The following COL26A1 variants were observed in gnomAD, a reference collection of about 807,000 sequenced individuals.
COL26A1 encodes the protein collagen type XXVI alpha 1 chain, also known as collagen alpha-1(XXVI) chain.
In COL26A1, 41 loss-of-function variants were observed where a neutral mutation model predicts 59.3. The ratio of observed to expected loss-of-function variants is 0.69; its 90% CI spans 0.54 to 0.90. The LOEUF (loss-of-function observed/expected upper bound fraction) is 0.90, where lower values mean the gene tolerates loss of function less well. COL26A1 is among the 40% of genes least tolerant of loss of function. COL26A1 has a pLI of 0.00. For missense variants in COL26A1, 612 were observed against 602.3 expected (o/e 1.02, Z -0.17); for synonymous variants, 266 against 256.0 (o/e 1.04, Z -0.37).
chr7:101,514,217 A>G (rs1366910055), intron 3 of COL26A1, among the ~76,000 whole-genome samples: 2 of 152,046 alleles, frequency 1.3e-5, no homozygotes, highest in Admixed American at 6.6e-5. Flanking sequence ...GGGTGCCTGT[A>G]GTCCCAGCTA....
chr7:101,410,095 G>C (rs965689161), intron 1 of COL26A1, among the ~76,000 whole-genome samples: 3 of 152,078 alleles, frequency 2.0e-5, no homozygotes, highest in African/African-American at 7.2e-5. Context: ...TTGGTGGGCA[G>C]GGGGCTAGGG....
rs1468077834 is a variant in COL26A1, at chr7:101,416,281, A to C, written c.159-3696A>C. ...TTGGCGCACACCTGTGGTCCCAGCT[A>C]TCTGGGAGGCTGAGATGGGAGGATT... On this transcript the variant is annotated intron_variant, in intron 1 of 12. Coordinates refer to ENST00000313669, the MANE Select transcript of COL26A1 (RefSeq NM_001278563.3). Among the ~76,000 whole-genome samples, 2 of 142,648 alleles carry C rather than the reference A, an allele frequency of 1.4e-5. 1 individual carries two copies. The highest frequency in any genetic ancestry group is 3.2e-5 in the Non-Finnish European group (2 of 62,976). The allele number at this position is 142,648 out of a possible 152,430, so 93.6% of individuals were successfully genotyped here. A position where few individuals can be genotyped will look rare whatever the true frequency, so the allele number is the denominator to read the frequency against.
chr7:101,547,277 A>T, intron 8 of COL26A1, 38 bp downstream of exon 8: 1 of 1,457,400 alleles, frequency 6.9e-7, no homozygotes, highest in Non-Finnish European at 9.4e-7. Context: ...TGAGGACTCC[A>T]TCCCCCCAGG....
intron 1 of COL26A1, among the ~76,000 whole-genome samples, chr7:101,401,397 G>A (rs1234553851): frequency 6.6e-6 from 1 of 152,058 alleles, no homozygotes; most frequent in Admixed American, 6.6e-5. Flanking sequence ...CCAGGAGGAG[G>A]AGGAAGAAGA....
intron 2 of COL26A1, among the ~76,000 whole-genome samples, chr7:101,439,122 C>T (rs1792985803): frequency 6.6e-6 from 1 of 152,142 alleles, no homozygotes; most frequent in Non-Finnish European, 1.5e-5. Context: ...ACCACCCCAC[C>T]TTGGGGTTTG....
chr7:101,405,736 A>G (rs1293453596), intron 1 of COL26A1, among the ~76,000 whole-genome samples: 1 of 152,124 alleles, frequency 6.6e-6, no homozygotes, highest in Non-Finnish European at 1.5e-5. Context: ...TAATGGCGGT[A>G]GTTGGGGATC....
At chr7:101,555,692 G>A in intron 11 of COL26A1, 95 bp from the exon 12 acceptor site, 6 of 806,292 alleles carry the variant, frequency 7.4e-6, no homozygotes, top group East Asian at 2.7e-5. Flanking sequence ...GCAGGGGTGG[G>A]GGGCTTTGAG....
At chr7:101,500,413 T>A (rs1041372349) in intron 3 of COL26A1, among the ~76,000 whole-genome samples, 15 of 152,198 alleles carry the variant, frequency 9.9e-5, no homozygotes, top group Non-Finnish European at 1.5e-4. Context: ...TTTTTCAACA[T>A]CCAGGAGTTT....
At chr7:101,527,524 C>T (rs968225963) in intron 3 of COL26A1, among the ~76,000 whole-genome samples, 2 of 150,912 alleles carry the variant, frequency 1.3e-5, no homozygotes, top group East Asian at 2.0e-4. Context: ...TTAGTAGCGA[C>T]GGGGTTTCAC....
intron 3 of COL26A1, among the ~76,000 whole-genome samples, chr7:101,514,616 C>G (rs568983821): frequency 2.3e-3 from 357 of 152,264 alleles, no homozygotes; most frequent in Admixed American, 3.6e-3. Context: ...TTACCCCAGG[C>G]TCTGGGGGTG....
chr7:101,454,314 G>A (rs558869486), intron 3 of COL26A1, among the ~76,000 whole-genome samples: 1 of 146,630 alleles, frequency 6.8e-6, no homozygotes, highest in Non-Finnish European at 1.5e-5. Context: ...GCTCAGACTG[G>A]AGTGCAATGG....
At chr7:101,434,943 C>T (rs550320035) in intron 2 of COL26A1, among the ~76,000 whole-genome samples, 3 of 152,228 alleles carry the variant, frequency 2.0e-5, no homozygotes, top group East Asian at 3.9e-4. Context: ...AGACCTGGTC[C>T]GTGGGTTTCC....
At chr7:101,401,687 T>TGAGGAG (rs146041214) in intron 1 of COL26A1, among the ~76,000 whole-genome samples, 43,002 of 122,260 alleles carry the variant, frequency 0.35, 7,126 homozygotes, top group African/African-American at 0.48. Context: ...TGTTGGAGGC[T>TGAGGAG]GAGGAGGAGG....
intron 12 of COL26A1, 79 bp from the exon 13 acceptor site, chr7:101,557,291 G>A: frequency 1.4e-6 from 2 of 1,435,338 alleles, no homozygotes; most frequent in Non-Finnish European, 1.9e-6. Flanking sequence ...ATCTCTCCGT[G>A]GCCACATATC....
chr7:101,488,210 G>A (rs950830878), intron 3 of COL26A1, among the ~76,000 whole-genome samples: 1 of 150,848 alleles, frequency 6.6e-6, no homozygotes, highest in African/African-American at 2.4e-5. Flanking sequence ...GAACCCTGGA[G>A]GCAGAGGTTG....
chr7:101,362,512 C>T (rs1472565873), upstream of COL26A1, among the ~76,000 whole-genome samples: 2 of 152,208 alleles, frequency 1.3e-5, no homozygotes, highest in East Asian at 1.9e-4. Context: ...TCTGGCTTAA[C>T]TTTCTCCAGC....
At chr7:101,410,253 C>T (rs1019638873) in intron 1 of COL26A1, among the ~76,000 whole-genome samples, 3 of 152,068 alleles carry the variant, frequency 2.0e-5, no homozygotes, top group African/African-American at 7.2e-5. Context: ...AATGCAAACT[C>T]TAAAAAGTAT....
In COL26A1 at chr7:101,524,541, G is replaced by A. The variant is rs186265158; in HGVS notation, c.386-8541G>A. Reference sequence around the variant, plus strand: ...ACACACCAGCTGCAATTTTTACTGGGATGGGGAGAATTAACATCTTTATAA... The same window carrying A: ...ACACACCAGCTGCAATTTTTACTGGAATGGGGAGAATTAACATCTTTATAA... On this transcript the variant is annotated intron_variant, in intron 3 of 12. Transcript: ENST00000313669. Among the ~76,000 whole-genome samples the A allele has an allele frequency of 7.9e-5, 12 of 152,242 alleles. No homozygotes were observed. The East Asian group carries it at 2.3e-3, about 29-fold the overall frequency.
intron 3 of COL26A1, among the ~76,000 whole-genome samples, chr7:101,459,454 C>T (rs1179237568): frequency 6.7e-6 from 1 of 149,236 alleles, no homozygotes; most frequent in Admixed American, 6.8e-5. Flanking sequence ...TGCCCACCAC[C>T]ACACCCGGCT....
Sources: allele counts gnomAD v4.1 joint callset (sites outside exome capture counted in the v4.1 genomes callset), GRCh38; gene constraint gnomAD v4.1.1; transcripts MANE v1.5; gene names NCBI Gene and HGNC (gene_info 2026-07-23, HGNC 2026-07-21).